The following ME1 variants were observed in gnomAD, a reference collection of about 807,000 sequenced individuals.
The protein encoded by ME1 is NADP-dependent malic enzyme.
ME1 carries 74 observed loss-of-function variants against 66.4 expected under a neutral mutation model. The ratio of observed to expected loss-of-function variants is 1.11; its 90% CI spans 0.92 to 1.35. The LOEUF (loss-of-function observed/expected upper bound fraction) is 1.35. Among genes scored for constraint, ME1 ranks in the 40% most tolerant of loss-of-function variants. ME1 has a pLI of 0.00. For missense variants in ME1, 750 were observed against 694.1 expected (o/e 1.08, Z -0.90); for synonymous variants, 251 against 235.6 (o/e 1.07, Z -0.60).
At chr6:83,422,596 G>A (rs916832740) in intron 1 of ME1, among the ~76,000 whole-genome samples, 1 of 151,976 alleles carries the variant, frequency 6.6e-6, no homozygotes, top group East Asian at 1.9e-4. Flanking sequence ...AAGAACATAA[G>A]GGCAAAGTCT....
At chr6:83,393,521 C>A in intron 3 of ME1, 1 of 324,606 alleles carries the variant, frequency 3.1e-6, no homozygotes. Context: ...CTCCCCTCCT[C>A]ATAGTTTCCA....
In ME1 at chr6:83,240,806, T is replaced by C. The variant is rs958790216; in HGVS notation, c.815-1170A>G. Among the ~76,000 whole-genome samples, 10 of 152,298 alleles carry C rather than the reference T, an allele frequency of 6.6e-5. No homozygotes were observed. In the South Asian group the frequency reaches 1.0e-3, roughly 16 times the overall value. On this transcript the variant is annotated intron_variant, in intron 7 of 13. Transcript: ENST00000369705. ...CATTTCACAATCAGTAAATTTGTTC[T>C]ATTCAATCTTTTAGTTTCTTTCTTG...
intron 9 of ME1, among the ~76,000 whole-genome samples, chr6:83,231,813 C>T (rs956077472): frequency 6.6e-6 from 1 of 152,000 alleles, no homozygotes; most frequent in African/African-American, 2.4e-5. Context: ...CCTCAGAAAT[C>T]CCAAATTCTA....
At chr6:83,225,385 A>G (rs1790176045) in intron 11 of ME1, among the ~76,000 whole-genome samples, 1 of 152,126 alleles carries the variant, frequency 6.6e-6, no homozygotes. Flanking sequence ...AGTCTAAGAA[A>G]TCTATTTGAA....
chr6:83,342,231 G>A (rs1447649873), intron 5 of ME1, among the ~76,000 whole-genome samples: 4 of 152,160 alleles, frequency 2.6e-5, no homozygotes, highest in East Asian at 3.9e-4. Context: ...GTCCTTGAGC[G>A]GCTGCTCAGG....
intron 1 of ME1, among the ~76,000 whole-genome samples, chr6:83,410,875 T>A (rs969693437): frequency 6.6e-6 from 1 of 152,216 alleles, no homozygotes; most frequent in South Asian, 2.1e-4. Context: ...CGATTCTCCA[T>A]ATCTTATGCC....
chr6:83,243,843 T>TA (rs1366999072), intron 7 of ME1, among the ~76,000 whole-genome samples: 1 of 130,838 alleles, frequency 7.6e-6, no homozygotes, highest in African/African-American at 2.9e-5. Flanking sequence ...ATAATATAAA[T>TA]TATATATATA....
intron 5 of ME1, among the ~76,000 whole-genome samples, chr6:83,332,611 T>G (rs1466392454): frequency 1.3e-5 from 2 of 152,190 alleles, no homozygotes; most frequent in East Asian, 1.9e-4. Flanking sequence ...TGCAGCCACT[T>G]GGATGAAACT....
At chr6:83,327,443 T>C (rs889718664) in intron 5 of ME1, among the ~76,000 whole-genome samples, 1 of 152,130 alleles carries the variant, frequency 6.6e-6, no homozygotes, top group African/African-American at 2.4e-5. Context: ...CACCTAGGGG[T>C]AGGTCTCTGA....
chr6:83,356,431 G>A (rs997214099), intron 3 of ME1, among the ~76,000 whole-genome samples: 1 of 152,162 alleles, frequency 6.6e-6, no homozygotes, highest in African/African-American at 2.4e-5. Flanking sequence ...TAAAATGTAG[G>A]TCTAAAGATC....
At chr6:83,314,800 C>T (rs572327947) in intron 6 of ME1, among the ~76,000 whole-genome samples, 5 of 152,306 alleles carry the variant, frequency 3.3e-5, no homozygotes, top group African/African-American at 1.2e-4. Context: ...ATGCATGGAT[C>T]ATGATGGAAT....
At chr6:83,325,672 C>A (rs1170098022) in intron 5 of ME1, among the ~76,000 whole-genome samples, 1 of 151,960 alleles carries the variant, frequency 6.6e-6, no homozygotes, top group Non-Finnish European at 1.5e-5. Flanking sequence ...TGTGAAGGAC[C>A]TCTTCAAGAA....
rs370421410 is a variant in ME1 at position 83,216,472 on chromosome 6, T to A, written c.1548+26A>T. ...TAGCAAGAAAAGGAAGGAAAAATAA[T>A]GAAGCTTGAACAAGAGTGGTTTTAC... On this transcript the variant is annotated intron_variant, in intron 13 of 13. Coordinates refer to ENST00000369705, the MANE Select transcript of ME1 (RefSeq NM_002395.6). 9.6e-5 allele frequency: 139 copies of A among 1,445,376 alleles called. No individual in the cohort carries two copies. In the African/African-American group the frequency reaches 1.8e-3, roughly 18 times the overall value. The allele number at this position is 1,445,376 out of a possible 1,614,324, so 89.5% of individuals were successfully genotyped here.
intron 6 of ME1, among the ~76,000 whole-genome samples, chr6:83,306,865 T>C (rs897086697): frequency 6.6e-6 from 1 of 152,114 alleles, no homozygotes; most frequent in Admixed American, 6.6e-5. Context: ...AAATAATGCA[T>C]GCATAAGACT....
intron 1 of ME1, among the ~76,000 whole-genome samples, chr6:83,424,854 C>T (rs1193308578): frequency 6.6e-6 from 1 of 152,098 alleles, no homozygotes; most frequent in Admixed American, 6.5e-5. Flanking sequence ...GGCTTCTCTC[C>T]TGGACTTACT....
Position 83,381,527 on chromosome 6 carries a change from T to C in ME1, c.362+16840A>G, listed in dbSNP as rs79776276. On this transcript the variant is annotated intron_variant, in intron 3 of 13. Coordinates refer to ENST00000369705, the MANE Select transcript of ME1 (RefSeq NM_002395.6). ...GACCTTCTTATCTCCAGCTGATGTA[T>C]TTAGAGTCTGTGTATATACCTACAT... Among the ~76,000 whole-genome samples the C allele has an allele frequency of 7.4e-4, 113 of 152,146 alleles. 1 individual carries two copies. Among genetic ancestry groups the C allele is most frequent in the African/African-American group, 2.5e-3 (105 of 41,526 alleles).
chr6:83,240,519 T>C (rs2128526022), intron 7 of ME1, among the ~76,000 whole-genome samples: 1 of 152,260 alleles, frequency 6.6e-6, no homozygotes, highest in East Asian at 1.9e-4. Context: ...TTCTCTTGCT[T>C]TAAGTGTAAT....
chr6:83,218,984 G>C (rs1301170038), intron 12 of ME1, among the ~76,000 whole-genome samples: 1 of 152,150 alleles, frequency 6.6e-6, no homozygotes. Context: ...TGTATTCTCA[G>C]CACTCAGAAT....
chr6:83,275,288 C>T (rs1422398885), intron 6 of ME1, among the ~76,000 whole-genome samples: 1 of 151,406 alleles, frequency 6.6e-6, no homozygotes, highest in East Asian at 2.0e-4. Flanking sequence ...GAGCAGAGAT[C>T]GTGCTACTGC....
Sources: gnomAD v4.1 joint callset for allele counts (sites outside exome capture counted in the v4.1 genomes callset) on GRCh38, gnomAD v4.1.1 for gene constraint, MANE v1.5 for transcripts, NCBI Gene and HGNC (gene_info 2026-07-23, HGNC 2026-07-21) for gene names.